The following INIP variants were observed in gnomAD, a reference collection of about 807,000 sequenced individuals.
INIP encodes the protein INTS3 and NABP interacting protein.
INIP carries 9 observed loss-of-function variants against 14.0 expected under a neutral mutation model. The observed-to-expected ratio is 0.64, with a 90% CI of 0.39 to 1.12. INIP has a LOEUF of 1.12. Among genes scored for constraint, INIP ranks in the 50% most tolerant of loss-of-function variants. INIP has a pLI of 0.01. For missense variants in INIP, 78 were observed against 122.7 expected, an observed-to-expected ratio of 0.64 and a Z score of 1.72; for synonymous variants, 37 against 41.5, an observed-to-expected ratio of 0.89 and a Z score of 0.41.
Position 112,685,524 on chromosome 9 carries a change from A to G in INIP, c.*2014T>C, listed in dbSNP as rs1262332509. The G allele has an allele frequency of 3.3e-5, 5 of 149,342 alleles. No homozygotes were observed. Among genetic ancestry groups the G allele is most frequent in the South Asian group, 4.3e-4 (2 of 4,704 alleles). The allele number at this position is 149,342 out of a possible 1,614,324, so 9.3% of individuals were successfully genotyped here. ...GGAATACAGGATTTAGGCCATATCT[A>G]TTTAAAAGAAGACTAACAAACAGAC... On this transcript the variant is annotated 3_prime_UTR_variant, in exon 5 of 5. Coordinates refer to ENST00000374242, the MANE Select transcript of INIP (RefSeq NM_021218.3).
At position 112,718,064 on chromosome 9, in the gene INIP, G is replaced by A. The variant is rs1321824176; in HGVS notation, c.-134C>T. ...GGGGGCGCGACCACTTAGGCAAGAG[G>A]AGCTCAACTCGCGGCACTACAACCT... On this transcript the variant is annotated 5_prime_UTR_variant, in exon 1 of 5. Transcript: ENST00000374242. 6.6e-6 allele frequency: 1 copy of A among 152,644 alleles called. No individual in the cohort carries two copies. The highest frequency in any genetic ancestry group is 2.1e-4 in the South Asian group (1 of 4,824). The allele number at this position is 152,644 out of a possible 1,614,324, so 9.5% of individuals were successfully genotyped here. A position where few individuals can be genotyped will look rare whatever the true frequency, so the allele number is the denominator to read the frequency against.
In INIP at chr9:112,696,628, A is replaced by T. The variant is rs1232583472; in HGVS notation, c.26-2395T>A. On this transcript the variant is annotated intron_variant, in intron 2 of 4. Coordinates refer to ENST00000374242, the MANE Select transcript of INIP (RefSeq NM_021218.3). The stretch of plus-strand genomic sequence containing the variant: ...TCTACAAGACTGCTCGCCACTTCAG[A>T]CGCCAATGGCAAGTAGGCAGTAGGT... Among the ~76,000 whole-genome samples the T allele has an allele frequency of 2.0e-5, 3 of 152,188 alleles. No individual in the cohort carries two copies. The East Asian group carries it at 5.8e-4, about 29-fold the overall frequency.
At chr9:112,715,553 C>A (rs1838783987) in intron 2 of INIP, among the ~76,000 whole-genome samples, 1 of 152,110 alleles carries the variant, frequency 6.6e-6, no homozygotes, top group Non-Finnish European at 1.5e-5. Flanking sequence ...GCGGGCGGAT[C>A]ACCTGAGGTC....
chr9:112,711,673 A>G (rs985822437), intron 2 of INIP, among the ~76,000 whole-genome samples: 3 of 152,192 alleles, frequency 2.0e-5, no homozygotes, highest in African/African-American at 7.2e-5. Context: ...AACAACCACA[A>G]GGGAATGTGG....
chr9:112,694,097 A>G, intron 3 of INIP, 34 bp downstream of exon 3: 1 of 1,377,234 alleles, frequency 7.3e-7, no homozygotes, highest in East Asian at 2.3e-5. Flanking sequence ...AACAAAACAA[A>G]ACAAACAAAA....
chr9:112,687,982 A>G (rs1278103456), intron 4 of INIP, among the ~76,000 whole-genome samples: 1 of 152,084 alleles, frequency 6.6e-6, no homozygotes, highest in Non-Finnish European at 1.5e-5. Context: ...GCTACTCAGG[A>G]GGCTGAGGCA....
chr9:112,717,650 A>T (rs1051044189), intron 1 of INIP, among the ~76,000 whole-genome samples: 1 of 152,188 alleles, frequency 6.6e-6, no homozygotes, highest in Non-Finnish European at 1.5e-5. Flanking sequence ...GAAAGACACA[A>T]GGGATAGAAA....
At chr9:112,695,808 G>GAGA (rs1193351426) in intron 2 of INIP, among the ~76,000 whole-genome samples, 3 of 91,626 alleles carry the variant, frequency 3.3e-5, no homozygotes, top group Non-Finnish European at 8.9e-5. Context: ...GGAGGAGGAG[G>GAGA]AGAAGAAGAA....
intron 4 of INIP, among the ~76,000 whole-genome samples, chr9:112,687,902 G>A (rs575328257): frequency 7.2e-5 from 11 of 152,078 alleles, no homozygotes; most frequent in East Asian, 5.8e-4. Context: ...TGGCTAACGT[G>A]GTGAAACCCC....
intron 2 of INIP, among the ~76,000 whole-genome samples, chr9:112,696,769 A>G (rs1008785824): frequency 2.0e-5 from 3 of 152,190 alleles, no homozygotes; most frequent in Admixed American, 1.3e-4. Flanking sequence ...CTTTACTTAC[A>G]TTCACTAGTT....
intron 2 of INIP, among the ~76,000 whole-genome samples, chr9:112,696,340 C>T (rs774655068): frequency 6.6e-6 from 1 of 152,090 alleles, no homozygotes; most frequent in Non-Finnish European, 1.5e-5. Context: ...CCATGCTGCA[C>T]GTCATGACTG....
At chr9:112,709,106 C>A (rs949272402) in intron 2 of INIP, among the ~76,000 whole-genome samples, 2 of 151,992 alleles carry the variant, frequency 1.3e-5, no homozygotes, top group Non-Finnish European at 2.9e-5. Context: ...AAAACTACTG[C>A]CACTTTTTCT....
intron 3 of INIP, among the ~76,000 whole-genome samples, chr9:112,690,502 G>A (rs561917641): frequency 1.3e-5 from 2 of 152,318 alleles, no homozygotes; most frequent in Admixed American, 6.5e-5. Context: ...CTGTAGTTCA[G>A]AAAGACCACT....
intron 2 of INIP, among the ~76,000 whole-genome samples, chr9:112,698,986 T>C (rs1387314612): frequency 1.3e-5 from 2 of 152,182 alleles, no homozygotes; most frequent in Non-Finnish European, 2.9e-5. Flanking sequence ...ACCTGAGACA[T>C]CTTTTAGGAA....
At chr9:112,717,897 C>A (rs1838879710) in intron 1 of INIP, 90 bp downstream of exon 1, 1 of 152,654 alleles carries the variant, frequency 6.6e-6, no homozygotes, top group Non-Finnish European at 1.5e-5. Flanking sequence ...GAAGGGAGGT[C>A]GCTGCCTGTA....
At chr9:112,716,166 G>T (rs1588092093) in intron 2 of INIP, among the ~76,000 whole-genome samples, 1 of 152,050 alleles carries the variant, frequency 6.6e-6, no homozygotes, top group South Asian at 2.1e-4. Context: ...TCCGCCTCCT[G>T]GGTTCAAGAA....
chr9:112,707,875 A>G (rs1044519138), intron 2 of INIP, among the ~76,000 whole-genome samples: 1 of 152,244 alleles, frequency 6.6e-6, no homozygotes, highest in African/African-American at 2.4e-5. Context: ...CTGTGGCACT[A>G]TTAACATGTT....
intron 4 of INIP, among the ~76,000 whole-genome samples, chr9:112,689,270 C>A (rs1181213819): frequency 3.3e-5 from 5 of 152,160 alleles, no homozygotes; most frequent in Admixed American, 3.3e-4. Context: ...ATCCTAGACT[C>A]TTGTGCACAA....
chr9:112,687,694 C>T (rs1178213503), intron 4 of INIP, 61 bp from the exon 5 acceptor site: 5 of 947,866 alleles, frequency 5.3e-6, no homozygotes, highest in Non-Finnish European at 6.3e-6. Flanking sequence ...AATTCTTCGA[C>T]CAAGGCATTA....
Sources: allele counts gnomAD v4.1 joint callset (sites outside exome capture counted in the v4.1 genomes callset), GRCh38; gene constraint gnomAD v4.1.1; transcripts MANE v1.5; gene names NCBI Gene and HGNC (gene_info 2026-07-23, HGNC 2026-07-21).